The following CDH4 variants were observed in gnomAD, a reference collection of about 807,000 sequenced individuals.
The protein encoded by CDH4 is cadherin 4.
Under a neutral mutation model 86.0 loss-of-function variants are expected in CDH4, and 33 were observed. That is an observed-to-expected ratio of 0.38 (90% CI 0.29 to 0.51). CDH4 has a LOEUF of 0.51. Ranked by LOEUF, CDH4 falls within the 20% of genes least tolerant of loss-of-function variation. CDH4 has a pLI of 0.86. For missense variants in CDH4, 1,114 were observed against 1,307.4 expected (o/e 0.85, Z 2.28); for synonymous variants, 555 against 549.4 (o/e 1.01, Z -0.14).
rs755307583 is a variant in CDH4 at position 61,668,293 on chromosome 20, A to G, written c.170-75270A>G. Among the ~76,000 whole-genome samples the G allele has an allele frequency of 3.3e-5, 5 of 152,238 alleles. No homozygotes were observed. The East Asian group carries it at 9.7e-4, about 29-fold the overall frequency. The stretch of plus-strand genomic sequence containing the variant: ...TGGGTGGATGTTTATCCCTCTATTG[A>G]CAGACAGACACGCACATGCATGTGC... On this transcript the variant is annotated intron_variant, in intron 2 of 15. Transcript: ENST00000614565.
chr20:61,521,035 C>T (rs1031494322), intron 2 of CDH4, among the ~76,000 whole-genome samples: 2 of 152,174 alleles, frequency 1.3e-5, no homozygotes, highest in East Asian at 3.9e-4. Flanking sequence ...CCGCACCCAC[C>T]TCCTTATTAA....
At position 61,561,080 on chromosome 20, in the gene CDH4, G is replaced by A. The variant is rs2086213611; in HGVS notation, c.170-182483G>A. 2.0e-5 allele frequency among the ~76,000 whole-genome samples: 3 copies of A among 152,246 alleles called. No homozygotes were observed. In the South Asian group the frequency reaches 6.2e-4, roughly 31 times the overall value. On this transcript the variant is annotated intron_variant, in intron 2 of 15. Coordinates refer to ENST00000614565, the MANE Select transcript of CDH4 (RefSeq NM_001794.5). The stretch of plus-strand genomic sequence containing the variant: ...GCCTCTGAGGTGCCCGAGCACTCCA[G>A]GAATCATCCTGTCACCATGCTTTCC...
rs187464041 is a variant in CDH4 at position 61,398,340 on chromosome 20, G to A, written c.169+143403G>A. Among the ~76,000 whole-genome samples the A allele has an allele frequency of 1.0e-3, 155 of 152,294 alleles. 1 individual carries two copies. The highest frequency in any genetic ancestry group is 5.4e-3 in the South Asian group (26 of 4,828). On this transcript the variant is annotated intron_variant, in intron 2 of 15. Coordinates refer to ENST00000614565, the MANE Select transcript of CDH4 (RefSeq NM_001794.5). The stretch of plus-strand genomic sequence containing the variant: ...AGGAAAACTATTTAATGTTTTTTGC[G>A]TCTATCACCTCTAAGGGTGGAGAGA...
chr20:61,443,860 CTATG>C (rs1463314221), intron 2 of CDH4, among the ~76,000 whole-genome samples: 26 of 149,462 alleles, frequency 1.7e-4, no homozygotes, highest in African/African-American at 6.2e-4. Flanking sequence ...GTGTATCTCT[CTATG>C]TGTCTATATC....
At chr20:61,272,583 T>C (rs781574301) in intron 2 of CDH4, among the ~76,000 whole-genome samples, 5 of 152,188 alleles carry the variant, frequency 3.3e-5, no homozygotes, top group South Asian at 4.1e-4. Context: ...AATGAATGCA[T>C]TGTTTGTTGC....
intron 2 of CDH4, among the ~76,000 whole-genome samples, chr20:61,458,338 G>A (rs962295936): frequency 1.9e-4 from 29 of 151,364 alleles, no homozygotes; most frequent in Non-Finnish European, 5.9e-5. Flanking sequence ...TGGTCATGAG[G>A]GTGAGGGCAG....
intron 2 of CDH4, among the ~76,000 whole-genome samples, chr20:61,300,605 C>T (rs945095069): frequency 2.6e-5 from 4 of 152,140 alleles, no homozygotes; most frequent in Admixed American, 1.3e-4. Context: ...CCTTTGGACC[C>T]GTCTCCCGGG....
intron 2 of CDH4, among the ~76,000 whole-genome samples, chr20:61,609,259 G>C (rs2086667023): frequency 6.6e-6 from 1 of 152,198 alleles, no homozygotes; most frequent in South Asian, 2.1e-4. Flanking sequence ...GTGCTGATGT[G>C]ATGGCCAGAA....
chr20:61,331,736 T>C (rs1021640581), intron 2 of CDH4, among the ~76,000 whole-genome samples: 2 of 2,662 alleles, frequency 7.5e-4, no homozygotes, highest in African/African-American at 4.4e-3. Flanking sequence ...AGAAATGAGA[T>C]GCGAGGCACT....
chr20:61,705,668 A>G (rs1030485225), intron 2 of CDH4, among the ~76,000 whole-genome samples: 15 of 152,008 alleles, frequency 9.9e-5, no homozygotes, highest in Admixed American at 3.9e-4. Flanking sequence ...GACTCATTGC[A>G]GCTTGGCCTG....
chr20:61,451,075 G>A (rs1600689694), intron 2 of CDH4, among the ~76,000 whole-genome samples: 1 of 151,902 alleles, frequency 6.6e-6, no homozygotes, highest in African/African-American at 2.4e-5. Flanking sequence ...GTGTTTTGTG[G>A]GAATAGATGC....
At chr20:61,802,015 C>T (rs758537888) in intron 4 of CDH4, among the ~76,000 whole-genome samples, 4 of 152,392 alleles carry the variant, frequency 2.6e-5, no homozygotes, top group African/African-American at 9.6e-5. Context: ...CCATGGAGTT[C>T]CCAGACCTGT....
chr20:61,680,976 A>G (rs1192554340), intron 2 of CDH4, among the ~76,000 whole-genome samples: 1 of 152,208 alleles, frequency 6.6e-6, no homozygotes, highest in Non-Finnish European at 1.5e-5. Context: ...GCAGAGTTAG[A>G]ATTCCTATTT....
chr20:61,741,330 C>T (rs2088330754), intron 2 of CDH4, among the ~76,000 whole-genome samples: 1 of 152,208 alleles, frequency 6.6e-6, no homozygotes, highest in Non-Finnish European at 1.5e-5. Flanking sequence ...TCATCAGTTT[C>T]ATCCAGGGTC....
At chr20:61,569,743 A>C (rs970392203) in intron 2 of CDH4, among the ~76,000 whole-genome samples, 3 of 151,932 alleles carry the variant, frequency 2.0e-5, no homozygotes, top group Non-Finnish European at 4.4e-5. Flanking sequence ...CAGTCATTGC[A>C]TTTGCTGTCA....
chr20:61,385,270 C>T (rs6121426), intron 2 of CDH4, among the ~76,000 whole-genome samples: 9,188 of 152,128 alleles, frequency 0.06, 909 homozygotes, highest in African/African-American at 0.2. Flanking sequence ...GAAGTGGCAG[C>T]GTTCTGCGAT....
rs58436803 is a variant in CDH4, at chr20:61,702,941, G to A, written c.170-40622G>A. Among the ~76,000 whole-genome samples, 6 of 152,308 alleles carry A rather than the reference G, an allele frequency of 3.9e-5. No homozygotes were observed. In the East Asian group the frequency reaches 5.8e-4, roughly 15 times the overall value. ...TTACGTGTGGGAGGTCTTGCCAGGC[G>A]TGTGCTCAGCTGGCAGAGGCTGTGT... On this transcript the variant is annotated intron_variant, in intron 2 of 15. Coordinates refer to ENST00000614565, the MANE Select transcript of CDH4 (RefSeq NM_001794.5).
chr20:61,923,730 C>T, intron 10 of CDH4, 26 bp downstream of exon 10: 1 of 1,607,120 alleles, frequency 6.2e-7, no homozygotes, highest in South Asian at 1.1e-5. Flanking sequence ...ATGCCTCGTC[C>T]CTGCCTGCAG....
chr20:61,629,418 G>A (rs1370758818), intron 2 of CDH4, among the ~76,000 whole-genome samples: 1 of 152,136 alleles, frequency 6.6e-6, no homozygotes, highest in Admixed American at 6.5e-5. Flanking sequence ...TAAGAGCTTG[G>A]ACTCCAAAGG....
Sources: allele counts gnomAD v4.1 joint callset (sites outside exome capture counted in the v4.1 genomes callset), GRCh38; gene constraint gnomAD v4.1.1; transcripts MANE v1.5; gene names NCBI Gene and HGNC (gene_info 2026-07-23, HGNC 2026-07-21).